TXNRD1: variants seen among roughly 807,000 people sequenced by gnomAD.
TXNRD1 encodes the protein thioredoxin reductase 1, cytoplasmic.
In TXNRD1, 57 loss-of-function variants were observed where a neutral mutation model predicts 80.3. That is an observed-to-expected ratio of 0.71 (90% CI 0.57 to 0.89). The LOEUF (loss-of-function observed/expected upper bound fraction) is 0.89. Among genes scored for constraint, TXNRD1 ranks in the 40% least tolerant of loss-of-function variants. The pLI is 0.00. For missense variants in TXNRD1, 730 were observed against 803.0 expected (o/e 0.91, Z 1.10); for synonymous variants, 291 against 285.2 (o/e 1.02, Z -0.20).
chr12:104,337,614 T>C (rs1328581240), intron 15 of TXNRD1, among the ~76,000 whole-genome samples: 1 of 151,920 alleles, frequency 6.6e-6, no homozygotes, highest in African/African-American at 2.4e-5. Flanking sequence ...CCCAGCACTT[T>C]GGGAGGCCGA....
chr12:104,281,948 T>C lies in TXNRD1; in HGVS notation c.305-6983T>C, dbSNP rs138024155. Among the ~76,000 whole-genome samples, 499 of 152,290 alleles carry C rather than the reference T, an allele frequency of 3.3e-3. 5 individuals carry two copies. The highest frequency in any genetic ancestry group is 0.012 in the African/African-American group (487 of 41,560). Reference sequence around the variant, plus strand: ...TAGGCTTTAGACATACTGGTTACTTTGTGGATTCTTGGATAAGTCAAGCAG... The same window carrying C: ...TAGGCTTTAGACATACTGGTTACTTCGTGGATTCTTGGATAAGTCAAGCAG... On this transcript the variant is annotated intron_variant, in intron 3 of 16. Transcript: ENST00000525566.
chr12:104,252,690 ATTTTTTTTTTTTT>A (rs869239974), intron 2 of TXNRD1, among the ~76,000 whole-genome samples: 3 of 39,658 alleles, frequency 7.6e-5, no homozygotes, highest in African/African-American at 2.3e-4. Context: ...ATATATATAT[ATTTTTTTTTTTTT>A]TTTTTTTTTT....
chr12:104,229,571 T>TTATTTTATTTTATTG (rs1555205616), intron 1 of TXNRD1, among the ~76,000 whole-genome samples: 2 of 147,956 alleles, frequency 1.4e-5, no homozygotes, highest in African/African-American at 5.1e-5. Context: ...ACATTTTATT[T>TTATTTTATTTTATTG]TATTTTATTT....
chr12:104,242,042 A>G (rs1212952506), intron 1 of TXNRD1, among the ~76,000 whole-genome samples: 4 of 148,888 alleles, frequency 2.7e-5, no homozygotes, highest in African/African-American at 5.0e-5. Context: ...GGTTCAAGCA[A>G]TTTCCCTGCC....
chr12:104,233,910 C>A (rs2032678844), intron 1 of TXNRD1, among the ~76,000 whole-genome samples: 1 of 152,132 alleles, frequency 6.6e-6, no homozygotes, highest in South Asian at 2.1e-4. Context: ...ATATTTCAAG[C>A]AAAAGTCAAA....
At chr12:104,337,983 G>T (rs1001025269) in intron 15 of TXNRD1, among the ~76,000 whole-genome samples, 15 of 142,694 alleles carry the variant, frequency 1.1e-4, no homozygotes, top group African/African-American at 3.9e-4. Context: ...TTCCTGTAGG[G>T]ACAGAGTCTC....
intron 2 of TXNRD1, 145 bp downstream of exon 2, chr12:104,251,823 T>C: frequency 1.2e-6 from 1 of 848,340 alleles, no homozygotes; most frequent in Non-Finnish European, 1.8e-6. Context: ...CCCAGCACTT[T>C]GGGAGGCCAA....
intron 3 of TXNRD1, among the ~76,000 whole-genome samples, chr12:104,276,035 G>A (rs4964761): frequency 0.91 from 138,124 of 152,252 alleles, 62,898 homozygotes; most frequent in African/African-American, 0.98. Context: ...ATTTCATTGC[G>A]GGCTCTTATA....
At chr12:104,301,993 T>C (rs187485288) in intron 4 of TXNRD1, among the ~76,000 whole-genome samples, 67 of 152,366 alleles carry the variant, frequency 4.4e-4, no homozygotes, top group African/African-American at 1.5e-3. Context: ...GTTTTAAATC[T>C]ATTTTAAGTT....
At chr12:104,277,593 A>T (rs2033782559) in intron 3 of TXNRD1, among the ~76,000 whole-genome samples, 1 of 152,044 alleles carries the variant, frequency 6.6e-6, no homozygotes, top group Non-Finnish European at 1.5e-5. Flanking sequence ...AAAAGAAATA[A>T]AGACAGAATG....
At chr12:104,344,836 C>CA (rs2036441030) in intron 16 of TXNRD1, among the ~76,000 whole-genome samples, 1 of 152,182 alleles carries the variant, frequency 6.6e-6, no homozygotes, top group African/African-American at 2.4e-5. Context: ...CAAAAATCTG[C>CA]AAATAGAGCT....
At chr12:104,303,063 T>C (rs1197196310) in intron 4 of TXNRD1, among the ~76,000 whole-genome samples, 2 of 152,160 alleles carry the variant, frequency 1.3e-5, no homozygotes, top group African/African-American at 2.4e-5. Context: ...AATAGCTCTT[T>C]TGCAGAGATC....
At chr12:104,258,855 A>C (rs936372748) in intron 3 of TXNRD1, among the ~76,000 whole-genome samples, 1 of 152,126 alleles carries the variant, frequency 6.6e-6, no homozygotes, top group African/African-American at 2.4e-5. Context: ...GCTTGAGCCA[A>C]GGAGTTCAAG....
intron 3 of TXNRD1, among the ~76,000 whole-genome samples, chr12:104,281,395 T>G (rs1235606049): frequency 2.8e-5 from 4 of 142,972 alleles, no homozygotes; most frequent in African/African-American, 5.2e-5. Context: ...TCTCCATATC[T>G]CCACTTTTTT....
intron 1 of TXNRD1, among the ~76,000 whole-genome samples, chr12:104,234,668 A>G (rs911100461): frequency 1.0e-3 from 153 of 151,108 alleles, no homozygotes; most frequent in African/African-American, 3.7e-3. Context: ...AAGCCTTCCA[A>G]AATTTAACTC....
rs2034188936 is a variant in TXNRD1 at position 104,291,092 on chromosome 12, G to A, written c.414+2052G>A. On this transcript the variant is annotated intron_variant, in intron 4 of 16. Coordinates refer to ENST00000525566, the MANE Select transcript of TXNRD1 (RefSeq NM_001093771.3). ...CTAAAGTGCTGGGACTGCAGGTCAC[G>A]ACATTTAGTGAGGTATAGTGCCATG... 1.5e-5 allele frequency: 10 copies of A among 671,028 alleles called. No homozygotes were observed. In the East Asian group the frequency reaches 1.7e-4, roughly 11 times the overall value. 41.6% of individuals were successfully genotyped at this position (671,028 alleles called of 1,614,324 possible).
chr12:104,275,629 G>A (rs1035294337), intron 3 of TXNRD1, among the ~76,000 whole-genome samples: 25 of 151,812 alleles, frequency 1.6e-4, no homozygotes, highest in African/African-American at 5.1e-4. Context: ...GTAATCCACC[G>A]GCCTTAGCCT....
chr12:104,318,989 T>C lies in TXNRD1; in HGVS notation c.807T>C (p.Ala269=). 2 of 1,613,942 alleles carry C rather than the reference T, an allele frequency of 1.2e-6. No individual in the cohort carries two copies. The highest frequency in any genetic ancestry group is 1.7e-6 in the Non-Finnish European group (2 of 1,179,852). Residue 269 remains alanine, a synonymous_variant, in exon 8 of 17, where the codon GCT becomes GCC. Transcript: ENST00000525566. The part of the protein sequence containing the change: ...IGSLNWGYRV[A]LREKKVVYEN... Reference sequence around the variant, plus strand: ...CTTTGAATTGGGGCTACCGAGTAGCTCTGCGGGAGAAAAAAGTCGTCTATG... The same window carrying C: ...CTTTGAATTGGGGCTACCGAGTAGCCCTGCGGGAGAAAAAAGTCGTCTATG...
chr12:104,291,470 C>G lies in TXNRD1; in HGVS notation c.414+2430C>G, dbSNP rs1390590220. Among the ~76,000 whole-genome samples, 3 of 148,238 alleles carry G rather than the reference C, an allele frequency of 2.0e-5. No homozygotes were observed. The East Asian group carries it at 5.9e-4, about 29-fold the overall frequency. On this transcript the variant is annotated intron_variant, in intron 4 of 16. Transcript: ENST00000525566. ...GCGCTGGGATTACAAGTGTGACCCA[C>G]CGCACCCAGCTTTTTTTTTTTTTTT... is the stretch of plus-strand genomic sequence containing the variant.
Sources: allele counts gnomAD v4.1 joint callset (sites outside exome capture counted in the v4.1 genomes callset), GRCh38; gene constraint gnomAD v4.1.1; transcripts MANE v1.5; gene names NCBI Gene and HGNC (gene_info 2026-07-23, HGNC 2026-07-21).